The following LRP1B variants were observed in gnomAD, a reference collection of about 807,000 sequenced individuals.
LRP1B encodes the protein low-density lipoprotein receptor-related protein 1B.
LRP1B carries 217 observed loss-of-function variants against 556.6 expected under a neutral mutation model. The observed-to-expected ratio is 0.39, with a 90% confidence interval of 0.35 to 0.44. The LOEUF is 0.44. Ranked by LOEUF, LRP1B falls within the 20% of genes least tolerant of loss-of-function variation. The pLI is 1.00. For missense variants in LRP1B, 5,053 were observed against 5,620.8 expected, an observed-to-expected ratio of 0.90 and a Z score of 3.23; for synonymous variants, 2,047 against 1,865.8, an observed-to-expected ratio of 1.10 and a Z score of -2.50.
chr2:140,338,076 A>AAG (rs960973778), intron 77 of LRP1B, among the ~76,000 whole-genome samples: 1 of 151,716 alleles, frequency 6.6e-6, no homozygotes, highest in African/African-American at 2.4e-5. Context: ...ACGAAAAAAA[A>AAG]AACTTACTTT....
intron 1 of LRP1B, among the ~76,000 whole-genome samples, chr2:141,949,274 A>ATCTATTTCAGCATTCAGAAACTCACCG (rs1701042000): frequency 1.3e-5 from 2 of 152,164 alleles, no homozygotes; most frequent in African/African-American, 4.8e-5. Flanking sequence ...TTATACCATG[A>ATCTATTTCAGCATTCAGAAACTCACCG]TCTATTTCAG....
intron 35 of LRP1B, among the ~76,000 whole-genome samples, chr2:140,735,862 G>A (rs1419749872): frequency 6.6e-6 from 1 of 152,114 alleles, no homozygotes; most frequent in Non-Finnish European, 1.5e-5. Flanking sequence ...ATGCAGCAGT[G>A]AGAAATAGCT....
At chr2:140,709,488 A>T (rs909028571) in intron 37 of LRP1B, among the ~76,000 whole-genome samples, 1 of 151,662 alleles carries the variant, frequency 6.6e-6, no homozygotes, top group African/African-American at 2.4e-5. Context: ...GAAGAGGAGG[A>T]GGAGGAGGAG....
chr2:141,359,645 AC>A (rs11287917), intron 3 of LRP1B, among the ~76,000 whole-genome samples: 75,601 of 151,650 alleles, frequency 0.5, 19,496 homozygotes, highest in Non-Finnish European at 0.57. Context: ...AATCCCAGCT[AC>A]TTGGGAGGCT....
intron 1 of LRP1B, among the ~76,000 whole-genome samples, chr2:141,868,546 A>G (rs1698486359): frequency 6.6e-6 from 1 of 152,172 alleles, no homozygotes; most frequent in South Asian, 2.1e-4. Flanking sequence ...TCACAACGTT[A>G]CAGAATAAAG....
rs187244284 is a variant in LRP1B at position 140,303,349 on chromosome 2, G to A, written c.12806-5380C>T. On this transcript the variant is annotated intron_variant, in intron 83 of 90. Coordinates refer to ENST00000389484, the MANE Select transcript of LRP1B (RefSeq NM_018557.3). The stretch of plus-strand genomic sequence containing the variant: ...TGCAACCTCCGCCTCCCGGGTTCAC[G>A]CAATTCTGCTGCCTCAGCCTCCTGA... Among the ~76,000 whole-genome samples, 384 of 152,030 alleles carry A rather than the reference G, an allele frequency of 2.5e-3. 2 individuals are homozygous for A. The highest frequency in any genetic ancestry group is 8.7e-3 in the African/African-American group (359 of 41,488).
At chr2:142,044,571 A>G (rs937744997) in intron 1 of LRP1B, among the ~76,000 whole-genome samples, 1 of 151,788 alleles carries the variant, frequency 6.6e-6, no homozygotes, top group African/African-American at 2.4e-5. Context: ...GGCACTTTCA[A>G]CTATTTTATG....
chr2:141,787,275 A>C (rs1450847011), intron 2 of LRP1B, among the ~76,000 whole-genome samples: 3 of 152,000 alleles, frequency 2.0e-5, no homozygotes, highest in East Asian at 3.9e-4. Context: ...ATGTTAACAC[A>C]AAATCTGTTC....
chr2:140,264,189 T>C (rs1682080045), intron 86 of LRP1B, among the ~76,000 whole-genome samples: 1 of 152,112 alleles, frequency 6.6e-6, no homozygotes, highest in African/African-American at 2.4e-5. Context: ...CAGATTGGAT[T>C]CGGGATCACC....
chr2:140,526,009 CA>C lies in LRP1B; in HGVS notation c.7877-17del. On this transcript the variant is annotated splice_polypyrimidine_tract_variant and intron_variant, in intron 48 of 90. Transcript: ENST00000389484. ...TCTGTGTTATCTAGAAGAAGGTAAA[CA>C]AAAAATGAAAAAGTACCTCATTTTC... The C allele has an allele frequency of 3.1e-6, 5 of 1,605,246 alleles. No homozygotes were observed. Among genetic ancestry groups the C allele is most frequent in the Admixed American group, 1.7e-5 (1 of 57,960 alleles).
At chr2:140,317,459 G>T (rs1684572780) in intron 82 of LRP1B, among the ~76,000 whole-genome samples, 1 of 152,064 alleles carries the variant, frequency 6.6e-6, no homozygotes, top group African/African-American at 2.4e-5. Flanking sequence ...TTTCTGACCA[G>T]GACAATTAGG....
rs59704499 is a variant in LRP1B, at chr2:140,850,753, C to T, written c.4712-424G>A. ...TTTGAATAAGATAAAATTAAACACG[C>T]TATTAGAAATCTTGTATATATTTTT... On this transcript the variant is annotated intron_variant, in intron 28 of 90. Coordinates refer to ENST00000389484, the MANE Select transcript of LRP1B (RefSeq NM_018557.3). Among the ~76,000 whole-genome samples the T allele has an allele frequency of 5.8e-3, 877 of 152,202 alleles. 10 individuals carry two copies. The highest frequency in any genetic ancestry group is 0.02 in the African/African-American group (827 of 41,534).
chr2:141,608,004 C>T (rs1040374103), intron 2 of LRP1B, among the ~76,000 whole-genome samples: 12 of 152,056 alleles, frequency 7.9e-5, no homozygotes, highest in African/African-American at 2.7e-4. Flanking sequence ...GTGGGCGGAT[C>T]ACCTGAGGTA....
At chr2:141,331,316 A>G (rs1018033997) in intron 3 of LRP1B, among the ~76,000 whole-genome samples, 4 of 152,148 alleles carry the variant, frequency 2.6e-5, no homozygotes, top group African/African-American at 4.8e-5. Flanking sequence ...AATTTTAAAA[A>G]AGTATTAGTC....
chr2:140,511,464 G>A (rs986739520), intron 51 of LRP1B, among the ~76,000 whole-genome samples: 3 of 152,064 alleles, frequency 2.0e-5, no homozygotes, highest in African/African-American at 7.2e-5. Flanking sequence ...TCCACGCCCG[G>A]CTAATTTTTT....
At chr2:141,835,581 G>T (rs16847310) in intron 1 of LRP1B, among the ~76,000 whole-genome samples, 9,718 of 151,492 alleles carry the variant, frequency 0.064, 414 homozygotes, top group South Asian at 0.17. Flanking sequence ...TAGAAGAGAG[G>T]TTGAATAAGT....
chr2:141,741,140 T>A (rs1693685521), intron 2 of LRP1B, among the ~76,000 whole-genome samples: 1 of 152,110 alleles, frequency 6.6e-6, no homozygotes, highest in Non-Finnish European at 1.5e-5. Context: ...GGTGTATAAG[T>A]GCCACATGTT....
intron 18 of LRP1B, among the ~76,000 whole-genome samples, chr2:140,970,565 G>A (rs1284686925): frequency 6.6e-6 from 1 of 152,022 alleles, no homozygotes; most frequent in Admixed American, 6.6e-5. Context: ...TGCTGGCGAG[G>A]AGCTACGTTC....
intron 32 of LRP1B, among the ~76,000 whole-genome samples, chr2:140,790,412 C>G (rs1690074975): frequency 1.3e-5 from 2 of 152,104 alleles, no homozygotes; most frequent in Admixed American, 1.3e-4. Flanking sequence ...CCGCCAGAGC[C>G]TGGGCAGCTG....
Sources: gnomAD v4.1 joint callset for allele counts (sites outside exome capture counted in the v4.1 genomes callset) on GRCh38, gnomAD v4.1.1 for gene constraint, MANE v1.5 for transcripts, NCBI Gene and HGNC (gene_info 2026-07-23, HGNC 2026-07-21) for gene names.